The following TESK1 variants were observed in gnomAD, a reference collection of about 807,000 sequenced individuals.
TESK1 encodes the protein testis associated actin remodelling kinase 1.
Under a neutral mutation model 59.9 loss-of-function variants are expected in TESK1, and 18 were observed. That is an observed-to-expected ratio of 0.30 (90% CI 0.21 to 0.45). The LOEUF is 0.45. TESK1 is among the 20% of genes least tolerant of loss of function. TESK1 has a pLI of 1.00. For missense variants in TESK1, 748 were observed against 840.9 expected (o/e 0.89, Z 1.37); for synonymous variants, 341 against 357.4 (o/e 0.95, Z 0.52).
chr9:35,609,804 G>A lies in TESK1; in HGVS notation c.*62G>A, dbSNP rs1173043079. ...CTTCAGGACACCCTGTAAGAACAGA[G>A]CACACTTGCTGGACAGTGCCAGTTC... is the stretch of plus-strand genomic sequence containing the variant. On this transcript the variant is annotated 3_prime_UTR_variant, in exon 10 of 10. Transcript: ENST00000336395. The surrounding 1 kb of genome is among the most constrained non-coding windows in gnomAD (Gnocchi z 6.7). 2.7e-6 allele frequency: 4 copies of A among 1,466,450 alleles called. No homozygotes were observed. The African/African-American group carries it at 5.6e-5, about 21-fold the overall frequency. The allele number at this position is 1,466,450 out of a possible 1,614,324, so 90.8% of individuals were successfully genotyped here. A position where few individuals can be genotyped will look rare whatever the true frequency, so the allele number is the denominator to read the frequency against.
chr9:35,609,648 A>G lies in TESK1; in HGVS notation c.1787A>G (p.Asn596Ser), dbSNP rs745857724. Residue 596 changes from asparagine to serine, a missense_variant, in exon 10 of 10, where the codon AAC becomes AGC. Coordinates refer to ENST00000336395, the MANE Select transcript of TESK1 (RefSeq NM_006285.3). The surrounding 1 kb of genome is among the most constrained non-coding windows in gnomAD (Gnocchi z 6.7). ...ACACCAGCTGTTGCCCGCTACCGCA[A>G]CCTGAACTGTGAGGCGGGCAGTCTC... is the stretch of plus-strand genomic sequence containing the variant. ...RPTPAVARYR[N>S]LNCEAGSLLC... is the part of the protein sequence containing the mutation. The G allele has an allele frequency of 3.7e-6, 6 of 1,607,634 alleles. No individual in the cohort carries two copies. The highest frequency in any genetic ancestry group is 4.2e-6 in the Non-Finnish European group (5 of 1,179,954).
At position 35,609,460 on chromosome 9, in the gene TESK1, C is replaced by G; in HGVS notation, c.1599C>G (p.Pro533=). 1 of 1,606,876 alleles carries G rather than the reference C, an allele frequency of 6.2e-7. No homozygotes were observed. The highest frequency in any genetic ancestry group is 1.1e-5 in the South Asian group (1 of 90,214). Reference sequence around the variant, plus strand: ...CCCCACAAGGCTGGGCTGGGGAGCCCTGGAACCGGGCCCAGCATAGCCTGC... The same window carrying G: ...CCCCACAAGGCTGGGCTGGGGAGCCGTGGAACCGGGCCCAGCATAGCCTGC... ...VNSPQGWAGE[P]WNRAQHSLPR... is the part of the protein sequence containing the mutation. Residue 533 remains proline, a synonymous_variant, in exon 10 of 10, where the codon CCC becomes CCG. Coordinates refer to ENST00000336395, the MANE Select transcript of TESK1 (RefSeq NM_006285.3). This position sits in a 1 kb window ranked among gnomAD's most constrained non-coding sequence, Gnocchi z 6.7.
At position 35,609,304 on chromosome 9, in the gene TESK1, G is replaced by A. The variant is rs771317329; in HGVS notation, c.1443G>A (p.Gly481=). Residue 481 remains glycine, a synonymous_variant, in exon 10 of 10, where the codon GGG becomes GGA. Transcript: ENST00000336395. The surrounding 1 kb of genome is among the most constrained non-coding windows in gnomAD (Gnocchi z 6.7). Reference sequence around the variant, plus strand: ...GCAGCCCTGAGCCGGAACCTCCAGGGCCAGCGCCCCAGCTGCCTCTGGCTG... The same window carrying A: ...GCAGCCCTGAGCCGGAACCTCCAGGACCAGCGCCCCAGCTGCCTCTGGCTG... ...EGSSPEPEPP[G]PAPQLPLAVA... The A allele has an allele frequency of 3.7e-6, 6 of 1,613,908 alleles. No individual in the cohort carries two copies. The highest frequency in any genetic ancestry group is 5.1e-6 in the Non-Finnish European group (6 of 1,179,952).
At chr9:35,605,913 C>T (rs1435260240) in intron 1 of TESK1, 71 bp from the exon 2 acceptor site, 11 of 1,605,730 alleles carry the variant, frequency 6.9e-6, no homozygotes, top group Non-Finnish European at 9.4e-6. Flanking sequence ...GCCGGGAGTG[C>T]GGGGAAGAGG....
Position 35,609,305 on chromosome 9 carries a change from C to G in TESK1, c.1444C>G (p.Pro482Ala). The change falls in exon 10 of 10, where the codon CCA becomes GCA. Residue 482 changes from proline (P) to alanine (A), a missense_variant. Pro to Ala is a conservative substitution (Grantham distance 27). Transcript: ENST00000336395. This position sits in a 1 kb window ranked among gnomAD's most constrained non-coding sequence, Gnocchi z 6.7. ...GSSPEPEPPG[P>A]APQLPLAVAT... ...CAGCCCTGAGCCGGAACCTCCAGGG[C>G]CAGCGCCCCAGCTGCCTCTGGCTGT... 1 of 1,613,928 alleles carries G rather than the reference C, an allele frequency of 6.2e-7. No individual in the cohort carries two copies. Among genetic ancestry groups the G allele is most frequent in the East Asian group, 2.2e-5 (1 of 44,882 alleles).
chr9:35,607,230 G>T lies in TESK1; in HGVS notation c.538-97G>T. The T allele has an allele frequency of 6.7e-7, 1 of 1,484,460 alleles. No homozygotes were observed. The highest frequency in any genetic ancestry group is 1.1e-5 in the South Asian group (1 of 88,310). The allele number at this position is 1,484,460 out of a possible 1,614,324, so 92.0% of individuals were successfully genotyped here. A position where few individuals can be genotyped will look rare whatever the true frequency, so the allele number is the denominator to read the frequency against. ...AAAACTGGGAGAGCAGAGAGGGTTG[G>T]AGTTATGCTGGAGTGACAGGGCTTT... On this transcript the variant is annotated intron_variant, in intron 4 of 9. Coordinates refer to ENST00000336395, the MANE Select transcript of TESK1 (RefSeq NM_006285.3). This position sits in a 1 kb window ranked among gnomAD's most constrained non-coding sequence, Gnocchi z 4.5.
chr9:35,608,549 C>T (rs773017650), intron 9 of TESK1, 40 bp downstream of exon 9: 5 of 1,563,988 alleles, frequency 3.2e-6, no homozygotes, highest in Non-Finnish European at 4.4e-6. Context: ...AGTCCTTTGG[C>T]CTTTGTCCTC....
At position 35,607,141 on chromosome 9, in the gene TESK1, G is replaced by T; in HGVS notation, c.537+158G>T. ...GGGACCAGGGTGAGGGGAGTGCTCG[G>T]AGGGACTGAGTAGCACCCTGTGTTT... On this transcript the variant is annotated intron_variant, in intron 4 of 9. Coordinates refer to ENST00000336395, the MANE Select transcript of TESK1 (RefSeq NM_006285.3). The surrounding 1 kb of genome is among the most constrained non-coding windows in gnomAD (Gnocchi z 4.5). 1 of 1,260,586 alleles carries T rather than the reference G, an allele frequency of 7.9e-7. No homozygotes were observed. The highest frequency in any genetic ancestry group is 1.1e-6 in the Non-Finnish European group (1 of 911,170). 78.1% of individuals were successfully genotyped at this position (1,260,586 alleles called of 1,614,324 possible). A position where few individuals can be genotyped will look rare whatever the true frequency, so the allele number is the denominator to read the frequency against.
Position 35,608,452 on chromosome 9 carries a change from C to A in TESK1, c.943C>A (p.Leu315Met), listed in dbSNP as rs1179289120. 1 of 1,614,070 alleles carries A rather than the reference C, an allele frequency of 6.2e-7. No individual in the cohort carries two copies. The highest frequency in any genetic ancestry group is 1.3e-5 in the African/African-American group (1 of 74,918). ...TEITQHLEWI[L>M]EQLPEPAPLT... is the part of the protein sequence containing the mutation. ...AATTACCCAGCACCTGGAATGGATC[C>A]TGGAGCAGCTGCCTGAGCCAGCCCC... The change falls in exon 9 of 10, where the codon CTG becomes ATG. Residue 315 changes from leucine to methionine, a missense_variant. Around this residue, in one of 3 missense-constraint regions of TESK1, gnomAD observed 447 missense variants for 466.1 expected, o/e 0.96. Transcript: ENST00000336395.
chr9:35,608,582 G>A (rs1822896680), intron 9 of TESK1, 73 bp downstream of exon 9: 1 of 1,391,536 alleles, frequency 7.2e-7, no homozygotes, highest in East Asian at 2.4e-5. Flanking sequence ...AGGTGACATG[G>A]GGGAGGCTAA....
rs1822828210 is a variant in TESK1 at position 35,605,618 on chromosome 9, C to T, written c.-2C>T. ...AGGCAGGCCCGGGCTGGGGGCCCGG[C>T]CATGGCCGGGGAACGGCCCCCACTG... On this transcript the variant is annotated 5_prime_UTR_variant, in exon 1 of 10. Transcript: ENST00000336395. 8.7e-7 allele frequency: 1 copy of T among 1,143,066 alleles called. No individual in the cohort carries two copies. 70.8% of individuals were successfully genotyped at this position (1,143,066 alleles called of 1,614,324 possible).
chr9:35,607,782 A>G lies in TESK1; in HGVS notation c.711+110A>G, dbSNP rs559147968. ...CCTACCAGATCTTCAGGAGTCCCCA[A>G]GATCCCTTTGCCCCTCACAGGCACC... On this transcript the variant is annotated intron_variant, in intron 6 of 9. Transcript: ENST00000336395. This position sits in a 1 kb window ranked among gnomAD's most constrained non-coding sequence, Gnocchi z 4.5. 7.7e-5 allele frequency: 98 copies of G among 1,278,710 alleles called. No individual in the cohort carries two copies. The African/African-American group carries it at 1.2e-3, about 16-fold the overall frequency. The allele number at this position is 1,278,710 out of a possible 1,614,324, so 79.2% of individuals were successfully genotyped here.
chr9:35,608,871 C>A lies in TESK1; in HGVS notation c.1010C>A (p.Ala337Glu). 2 of 1,585,302 alleles carry A rather than the reference C, an allele frequency of 1.3e-6. No homozygotes were observed. Among genetic ancestry groups the A allele is most frequent in the South Asian group, 1.2e-5 (1 of 86,062 alleles). The change falls in exon 10 of 10, where the codon GCA becomes GAA. Residue 337 changes from alanine (A) to glutamate (E), a missense_variant. Ala to Glu is a moderately radical substitution (Grantham distance 107). This residue lies in a region of TESK1 where 447 missense variants were observed against 466.1 expected (regional missense o/e 0.96). Transcript: ENST00000336395. ...ACTTCTCTATCTACAGGCTCTGTTGCAAGAGGGGGTCCCTCTGCCACGCTT... is the reference window on the plus strand; with the variant it reads ...ACTTCTCTATCTACAGGCTCTGTTGAAAGAGGGGGTCCCTCTGCCACGCTT... ...TALTHNQGSV[A>E]RGGPSATLPR...
At position 35,609,593 on chromosome 9, in the gene TESK1, T is replaced by C. The variant is rs1263020187; in HGVS notation, c.1732T>C (p.Phe578Leu). 1.9e-6 allele frequency: 3 copies of C among 1,612,996 alleles called. No individual in the cohort carries two copies. Among genetic ancestry groups the C allele is most frequent in the Non-Finnish European group, 2.5e-6 (3 of 1,179,954 alleles). The change falls in exon 10 of 10, where the codon TTT becomes CTT. Residue 578 changes from phenylalanine to leucine, a missense_variant. Phe to Leu is a conservative substitution (Grantham distance 22, BLOSUM62 0). Around this residue, in one of 3 missense-constraint regions of TESK1, gnomAD observed 447 missense variants for 466.1 expected, o/e 0.96. Transcript: ENST00000336395. This position sits in a 1 kb window ranked among gnomAD's most constrained non-coding sequence, Gnocchi z 6.7. The part of the protein sequence containing the change: ...CPGCCLGPFS[F>L]GFLSMCPRPT... Reference sequence around the variant, plus strand: ...TGGCTGCTGCCTCGGCCCCTTCAGCTTTGGCTTCCTGTCCATGTGCCCCCG... The same window carrying C: ...TGGCTGCTGCCTCGGCCCCTTCAGCCTTGGCTTCCTGTCCATGTGCCCCCG...
chr9:35,609,536 C>G lies in TESK1; in HGVS notation c.1675C>G (p.Pro559Ala), dbSNP rs776645568. The G allele has an allele frequency of 6.2e-7, 1 of 1,612,290 alleles. No individual in the cohort carries two copies. The highest frequency in any genetic ancestry group is 2.2e-5 in the East Asian group (1 of 44,848). The change falls in exon 10 of 10, where the codon CCC (proline) becomes GCC (alanine). Residue 559 changes from proline (P) to alanine (A), a missense_variant. Physicochemically the swap from Pro to Ala is conservative, Grantham distance 27. Transcript: ENST00000336395. The surrounding 1 kb of genome is among the most constrained non-coding windows in gnomAD (Gnocchi z 6.7). Reference protein sequence around the residue: ...RTEPSPPPSAPREPDEGLPCP... With the variant: ...RTEPSPPPSAAREPDEGLPCP... Reference sequence around the variant, plus strand: ...AGAACCCTCGCCACCCCCTTCAGCTCCCCGGGAGCCCGATGAGGGGCTGCC... The same window carrying G: ...AGAACCCTCGCCACCCCCTTCAGCTGCCCGGGAGCCCGATGAGGGGCTGCC...
chr9:35,605,578 G>A lies in TESK1; in HGVS notation c.-42G>A. The stretch of plus-strand genomic sequence containing the variant: ...CAAGCGCGGCCTGCCCGGGCCCTGG[G>A]GACCCTGCCATGTGAGGCAGGCCCG... On this transcript the variant is annotated 5_prime_UTR_variant, in exon 1 of 10. Transcript: ENST00000336395. 1.5e-6 allele frequency: 1 copy of A among 664,016 alleles called. No homozygotes were observed. Among genetic ancestry groups the A allele is most frequent in the Non-Finnish European group, 2.0e-6 (1 of 488,772 alleles). 41.1% of individuals were successfully genotyped at this position (664,016 alleles called of 1,614,324 possible).
intron 8 of TESK1, 39 bp downstream of exon 8, chr9:35,608,288 C>G (rs753807545): frequency 6.2e-7 from 1 of 1,611,346 alleles, no homozygotes; most frequent in East Asian, 2.2e-5. Flanking sequence ...ACCCTGCCCC[C>G]ATCCGTAAGC....
Position 35,609,613 on chromosome 9 carries a change from C to T in TESK1, c.1752C>T (p.Cys584=), listed in dbSNP as rs761868564. The T allele has an allele frequency of 1.2e-6, 2 of 1,611,388 alleles. No individual in the cohort carries two copies. The highest frequency in any genetic ancestry group is 1.3e-5 in the African/African-American group (1 of 74,950). ...GPFSFGFLSM[C]PRPTPAVARY... ...TCAGCTTTGGCTTCCTGTCCATGTGCCCCCGCCCCACACCAGCTGTTGCCC... is the reference window on the plus strand; with the variant it reads ...TCAGCTTTGGCTTCCTGTCCATGTGTCCCCGCCCCACACCAGCTGTTGCCC... The change falls in exon 10 of 10, where the codon TGC becomes TGT. Residue 584 remains cysteine (C), a synonymous_variant. Coordinates refer to ENST00000336395, the MANE Select transcript of TESK1 (RefSeq NM_006285.3). The surrounding 1 kb of genome is among the most constrained non-coding windows in gnomAD (Gnocchi z 6.7).
chr9:35,605,580 A>C lies in TESK1; in HGVS notation c.-40A>C. On this transcript the variant is annotated 5_prime_UTR_variant, in exon 1 of 10. Coordinates refer to ENST00000336395, the MANE Select transcript of TESK1 (RefSeq NM_006285.3). The stretch of plus-strand genomic sequence containing the variant: ...AGCGCGGCCTGCCCGGGCCCTGGGG[A>C]CCCTGCCATGTGAGGCAGGCCCGGG... 1.5e-6 allele frequency: 1 copy of C among 653,292 alleles called. No homozygotes were observed. 40.5% of individuals were successfully genotyped at this position (653,292 alleles called of 1,614,324 possible).
Sources: allele counts gnomAD v4.1 joint callset, GRCh38; gene constraint gnomAD v4.1.1; regional missense constraint gnomAD v4.1.1; non-coding constraint Gnocchi (gnomAD v3.1); transcripts MANE v1.5; gene names NCBI Gene and HGNC (gene_info 2026-07-23, HGNC 2026-07-21).